The following LHX8 variants were observed in gnomAD, a reference collection of about 807,000 sequenced individuals.
LHX8 encodes LIM/homeobox protein Lhx8.
A neutral mutation model predicts 40.3 loss-of-function variants in LHX8; 12 were observed. That is an observed-to-expected ratio of 0.30 (90% confidence interval 0.19 to 0.48). The LOEUF (loss-of-function observed/expected upper bound fraction) is 0.48, where lower values mean the gene tolerates loss of function less well. Among genes scored for constraint, LHX8 ranks in the 20% least tolerant of loss-of-function variants. The pLI is 0.99. For missense variants in LHX8, 344 were observed against 433.7 expected (o/e 0.79, Z 1.84); for synonymous variants, 179 against 162.0 (o/e 1.10, Z -0.80).
chr1:75,164,327 G>A (rs1277801551), downstream of LHX8, among the ~76,000 whole-genome samples: 1 of 152,040 alleles, frequency 6.6e-6, no homozygotes, highest in East Asian at 1.9e-4. Context: ...AAGTAACAAA[G>A]CCAGTATTTG....
the LHX8 span, among the ~76,000 whole-genome samples, chr1:75,193,554 G>A: frequency 1.3e-5 from 2 of 152,120 alleles, no homozygotes; most frequent in Admixed American, 1.3e-4. Context: ...GAATCCAGAA[G>A]GTTTCCGTTT....
the LHX8 span, among the ~76,000 whole-genome samples, chr1:75,171,625 A>G: frequency 1.3e-5 from 2 of 151,258 alleles, no homozygotes; most frequent in Non-Finnish European, 3.0e-5. Context: ...CTGTGCCTCG[A>G]GAGAAGATTG....
the LHX8 span, among the ~76,000 whole-genome samples, chr1:75,177,861 T>G: frequency 2.7e-4 from 41 of 152,160 alleles, no homozygotes; most frequent in African/African-American, 8.0e-4. Flanking sequence ...CAATACCTAG[T>G]TTATTGAGAG....
chr1:75,181,829 G>A, the LHX8 span, among the ~76,000 whole-genome samples: 1 of 152,084 alleles, frequency 6.6e-6, no homozygotes, highest in Non-Finnish European at 1.5e-5. Flanking sequence ...CGGCCATCTT[G>A]GAAGGGACCC....
chr1:75,150,598 G>C (rs559854426), intron 7 of LHX8, among the ~76,000 whole-genome samples: 1 of 152,176 alleles, frequency 6.6e-6, no homozygotes, highest in Admixed American at 6.5e-5. Flanking sequence ...GGAAGCTGAA[G>C]AAGTGGGGTG....
intron 7 of LHX8, among the ~76,000 whole-genome samples, chr1:75,153,744 A>T (rs1021075742): frequency 1.3e-5 from 2 of 152,114 alleles, no homozygotes; most frequent in African/African-American, 4.8e-5. Flanking sequence ...CTATCTAGAG[A>T]GTATTTCAAT....
chr1:75,197,079 A>G, the LHX8 span, among the ~76,000 whole-genome samples: 71 of 152,344 alleles, frequency 4.7e-4, 1 homozygote, highest in South Asian at 0.014. Flanking sequence ...AGTTTCTAAT[A>G]GCAGGAAAAA....
the LHX8 span, among the ~76,000 whole-genome samples, chr1:75,185,066 TC>T: frequency 6.6e-6 from 1 of 150,902 alleles, no homozygotes; most frequent in Non-Finnish European, 1.5e-5. Context: ...AGAAATTGAT[TC>T]CCTGAACAAA....
upstream of LHX8, chr1:75,132,756 A>AACACACAC (rs373753523): frequency 0.12 from 18,234 of 145,950 alleles, 1,592 homozygotes; most frequent in East Asian, 0.45. Flanking sequence ...TTTAAACCCT[A>AACACACAC]ACACACACAC....
intron 7 of LHX8, among the ~76,000 whole-genome samples, chr1:75,156,324 C>T (rs1283705714): frequency 6.6e-6 from 1 of 152,064 alleles, no homozygotes; most frequent in African/African-American, 2.4e-5. Context: ...TCACTGCAAC[C>T]TCTGCCTCCT....
At position 75,157,022 on chromosome 1, in the gene LHX8, G is replaced by GC; in HGVS notation, c.912dup (p.Tyr305LeufsTer14). On this transcript the variant is annotated frameshift_variant, in exon 8 of 9. Coordinates refer to ENST00000356261, the MANE Select transcript of LHX8 (RefSeq NM_001256114.2). LOFTEE classifies it high-confidence loss of function. The stretch of plus-strand genomic sequence containing the variant: ...CATGTTAGAAGAAATGGCTTATTCT[G>GC]CCTACGTGCCCCAAGATGGAACGAT... The GC allele has an allele frequency of 6.2e-7, 1 of 1,614,148 alleles. No individual in the cohort carries two copies. Among genetic ancestry groups the GC allele is most frequent in the Middle Eastern group, 1.6e-4 (1 of 6,062 alleles).
chr1:75,187,235 G>A, the LHX8 span, among the ~76,000 whole-genome samples: 2 of 152,106 alleles, frequency 1.3e-5, no homozygotes, highest in Non-Finnish European at 2.9e-5. Context: ...CCATAAAATT[G>A]CAAAACTTGG....
chr1:75,154,401 T>C (rs1192822103), intron 7 of LHX8, among the ~76,000 whole-genome samples: 1 of 152,012 alleles, frequency 6.6e-6, no homozygotes, highest in Non-Finnish European at 1.5e-5. Context: ...GTTTTTTTTT[T>C]TCAATCAAAA....
At chr1:75,133,631 A>C (rs1648030940), upstream of LHX8, among the ~76,000 whole-genome samples, 1 of 152,218 alleles carries the variant, frequency 6.6e-6, no homozygotes. Flanking sequence ...AATAAAGTTT[A>C]TACCACAAAG....
chr1:75,148,268 A>T (rs1199869927), intron 6 of LHX8, among the ~76,000 whole-genome samples: 1 of 152,224 alleles, frequency 6.6e-6, no homozygotes, highest in Non-Finnish European at 1.5e-5. Context: ...AATGGAAAAA[A>T]CAATAAATGA....
chr1:75,197,060 AT>A, the LHX8 span, among the ~76,000 whole-genome samples: 1 of 152,216 alleles, frequency 6.6e-6, no homozygotes. Flanking sequence ...AACCAAAATT[AT>A]TTTTTAAAGT....
At chr1:75,189,164 CA>C in the LHX8 span, among the ~76,000 whole-genome samples, 35 of 152,312 alleles carry the variant, frequency 2.3e-4, no homozygotes, top group African/African-American at 6.0e-4. Flanking sequence ...TTATAGGGAA[CA>C]GCTGGCTTCT....
At chr1:75,191,197 A>G in the LHX8 span, among the ~76,000 whole-genome samples, 2 of 152,274 alleles carry the variant, frequency 1.3e-5, no homozygotes, top group African/African-American at 2.4e-5. Flanking sequence ...ATTAAAATCG[A>G]TCACCCACAC....
At chr1:75,167,192 G>T in the LHX8 span, among the ~76,000 whole-genome samples, 1 of 152,236 alleles carries the variant, frequency 6.6e-6, no homozygotes, top group Non-Finnish European at 1.5e-5. Flanking sequence ...ACGTCATGCT[G>T]TCTGGAGTCC....
Sources: gnomAD v4.1 joint callset for allele counts (sites outside exome capture counted in the v4.1 genomes callset) on GRCh38, gnomAD v4.1.1 for gene constraint, MANE v1.5 for transcripts, NCBI Gene and HGNC (gene_info 2026-07-23, HGNC 2026-07-21) for gene names.